The following ACTR3C variants were observed in gnomAD, a reference collection of about 807,000 sequenced individuals.
ACTR3C encodes actin-related protein 3C.
ACTR3C carries 18 observed loss-of-function variants against 26.3 expected under a neutral mutation model. The observed-to-expected ratio is 0.68, with a 90% CI of 0.47 to 1.01. The LOEUF (loss-of-function observed/expected upper bound fraction) is 1.01. Among genes scored for constraint, ACTR3C ranks in the 50% least tolerant of loss-of-function variants. ACTR3C has a pLI of 0.00. For synonymous variants in ACTR3C, 55 were observed against 94.5 expected, an observed-to-expected ratio of 0.58 and a Z score of 2.42; for missense variants, 184 against 250.7, an observed-to-expected ratio of 0.73 and a Z score of 1.80.
At chr7:150,124,339 T>C in the ACTR3C span, among the ~76,000 whole-genome samples, 2 of 152,210 alleles carry the variant, frequency 1.3e-5, no homozygotes, top group Non-Finnish European at 2.9e-5. Context: ...ATCTTCATGA[T>C]GACTTCTGGA....
Position 150,290,479 on chromosome 7 carries a change from C to T in ACTR3C, c.154-886G>A, listed in dbSNP as rs538523880. On this transcript the variant is annotated intron_variant, in intron 3 of 7. Coordinates refer to ENST00000683684, the MANE Select transcript of ACTR3C (RefSeq NM_001164458.2). ...GAGTGGACAACGCCCACCGCTGGAT[C>T]ATCCGGTAAAGACACTCAGGTTTCA... Among the ~76,000 whole-genome samples, 1,040 of 152,276 alleles carry T rather than the reference C, an allele frequency of 6.8e-3. 10 individuals carry two copies. Among genetic ancestry groups the T allele is most frequent in the South Asian group, 0.013 (61 of 4,818 alleles).
the ACTR3C span, among the ~76,000 whole-genome samples, chr7:150,156,601 A>G: frequency 6.6e-6 from 1 of 152,016 alleles, no homozygotes; most frequent in Non-Finnish European, 1.5e-5. Context: ...GAGGAGAGAG[A>G]GCGATTTGGA....
At chr7:150,009,813 C>G in the ACTR3C span, among the ~76,000 whole-genome samples, 2 of 152,250 alleles carry the variant, frequency 1.3e-5, no homozygotes, top group African/African-American at 4.8e-5. Flanking sequence ...AGGTCCCTAG[C>G]CTGCGGCTAA....
At chr7:150,030,897 G>C in the ACTR3C span, among the ~76,000 whole-genome samples, 83 of 152,192 alleles carry the variant, frequency 5.5e-4, no homozygotes, top group South Asian at 2.9e-3. Flanking sequence ...CTGGCTCCAG[G>C]GCACAACAGC....
the ACTR3C span, among the ~76,000 whole-genome samples, chr7:150,050,317 TTATG>T: frequency 2.6e-5 from 4 of 152,226 alleles, no homozygotes; most frequent in Non-Finnish European, 4.4e-5. Flanking sequence ...GCAGAATAGT[TTATG>T]TATCATACAT....
the ACTR3C span, among the ~76,000 whole-genome samples, chr7:150,087,634 G>A: frequency 2.6e-5 from 4 of 152,138 alleles, no homozygotes; most frequent in African/African-American, 9.7e-5. Flanking sequence ...GAGTGAGCCC[G>A]TGGAAGAGGC....
At chr7:150,003,347 G>A in the ACTR3C span, among the ~76,000 whole-genome samples, 1 of 42,412 alleles carries the variant, frequency 2.4e-5, no homozygotes, top group African/African-American at 5.0e-5. Flanking sequence ...TATGTGGAAT[G>A]TGTGGTATGT....
chr7:150,149,026 G>A, the ACTR3C span, among the ~76,000 whole-genome samples: 49 of 142,360 alleles, frequency 3.4e-4, no homozygotes, highest in African/African-American at 1.1e-3. Context: ...GGCATAAAAC[G>A]ATGTCTCTCT....
At chr7:149,976,769 T>C in the ACTR3C span, among the ~76,000 whole-genome samples, 3 of 152,020 alleles carry the variant, frequency 2.0e-5, no homozygotes, top group Non-Finnish European at 2.9e-5. Context: ...CTCTCAATAT[T>C]TGGAATATTA....
chr7:150,167,072 T>G, the ACTR3C span, among the ~76,000 whole-genome samples: 6 of 146,168 alleles, frequency 4.1e-5, no homozygotes, highest in Non-Finnish European at 8.8e-5. Flanking sequence ...AATGGACACT[T>G]AGGTTGATGC....
the ACTR3C span, among the ~76,000 whole-genome samples, chr7:149,939,613 C>A: frequency 6.6e-6 from 1 of 152,076 alleles, no homozygotes. Context: ...GGGCTCCTGG[C>A]TTTCCATACT....
chr7:150,298,950 T>C (rs1795172817), intron 1 of ACTR3C, among the ~76,000 whole-genome samples: 1 of 151,392 alleles, frequency 6.6e-6, no homozygotes, highest in African/African-American at 2.4e-5. Flanking sequence ...AATATCCTTC[T>C]GCTTCAACAA....
the ACTR3C span, among the ~76,000 whole-genome samples, chr7:150,213,753 G>T: frequency 6.7e-6 from 1 of 150,084 alleles, no homozygotes; most frequent in Non-Finnish European, 1.5e-5. Context: ...AGACAAAAAA[G>T]GGAGGGCATG....
At chr7:149,972,925 T>C in the ACTR3C span, among the ~76,000 whole-genome samples, 15 of 147,112 alleles carry the variant, frequency 1.0e-4, no homozygotes, top group Non-Finnish European at 1.5e-5. Flanking sequence ...TCATAGTGAG[T>C]GGGCAGCATG....
At chr7:149,946,081 C>G in the ACTR3C span, among the ~76,000 whole-genome samples, 1 of 152,184 alleles carries the variant, frequency 6.6e-6, no homozygotes, top group Non-Finnish European at 1.5e-5. Flanking sequence ...ACTTGAATCA[C>G]CAGGTTCCTG....
the ACTR3C span, among the ~76,000 whole-genome samples, chr7:150,115,773 C>T: frequency 7.2e-4 from 110 of 152,336 alleles, no homozygotes; most frequent in Non-Finnish European, 1.3e-3. Flanking sequence ...CTATCTTTCC[C>T]TTGTACAGTG....
At chr7:150,035,195 GCC>G in the ACTR3C span, among the ~76,000 whole-genome samples, 3 of 120,616 alleles carry the variant, frequency 2.5e-5, no homozygotes, top group Admixed American at 7.8e-5. Context: ...CTCAGTCCCC[GCC>G]TCACGGGGGG....
the ACTR3C span, among the ~76,000 whole-genome samples, chr7:150,103,893 A>G: frequency 1.3e-5 from 2 of 152,014 alleles, no homozygotes; most frequent in Non-Finnish European, 2.9e-5. Context: ...TATCTATTTT[A>G]TTAACTGTTC....
chr7:150,118,146 G>C, the ACTR3C span, among the ~76,000 whole-genome samples: 1 of 152,162 alleles, frequency 6.6e-6, no homozygotes, highest in East Asian at 1.9e-4. Context: ...GCGCGAAAAG[G>C]CTGAAAATTC....
Sources: allele counts gnomAD v4.1 joint callset (sites outside exome capture counted in the v4.1 genomes callset), GRCh38; gene constraint gnomAD v4.1.1; transcripts MANE v1.5; gene names NCBI Gene and HGNC (gene_info 2026-07-23, HGNC 2026-07-21).